Variants in DPF3 observed in about 807,000 individuals in gnomAD.
The protein encoded by DPF3 is double PHD fingers 3.
DPF3 carries 18 observed loss-of-function variants against 56.8 expected under a neutral mutation model. The ratio of observed to expected loss-of-function variants is 0.32; its 90% CI spans 0.22 to 0.47. The LOEUF (loss-of-function observed/expected upper bound fraction) is 0.47. Ranked by LOEUF, DPF3 falls within the 20% of genes least tolerant of loss-of-function variation. The pLI is 1.00. For synonymous variants in DPF3, 188 were observed against 180.2 expected (o/e 1.04, Z -0.35); for missense variants, 403 against 488.8 (o/e 0.82, Z 1.65).
chr14:72,688,525 C>A (rs115960765), intron 7 of DPF3, among the ~76,000 whole-genome samples: 11,581 of 152,148 alleles, frequency 0.076, 1,088 homozygotes, highest in African/African-American at 0.22. Context: ...ACATCACAAG[C>A]CTATGTTAAG....
intron 1 of DPF3, among the ~76,000 whole-genome samples, chr14:72,849,705 A>G (rs1241241465): frequency 6.6e-6 from 1 of 152,200 alleles, no homozygotes; most frequent in African/African-American, 2.4e-5. Flanking sequence ...GAGCTAGGCA[A>G]GGTGGCCTTT....
Position 72,893,017 on chromosome 14 carries a change from A to AGGC in DPF3, c.32+1039_32+1040insGCC, listed in dbSNP as rs1567273867. Among the ~76,000 whole-genome samples, 229 of 130,730 alleles carry AGGC rather than the reference A, an allele frequency of 1.8e-3. 12 individuals carry two copies. The highest frequency in any genetic ancestry group is 4.1e-3 in the Admixed American group (55 of 13,278). The allele number at this position is 130,730 out of a possible 152,430, so 85.8% of individuals were successfully genotyped here. A position where few individuals can be genotyped will look rare whatever the true frequency, so the allele number is the denominator to read the frequency against. ...GAAGGAAGGAAGGAAGGAAGGAAGG[A>AGGC]AGGAAGGATGAAAAGGAGGAGGAAG... On this transcript the variant is annotated intron_variant, in intron 1 of 10. Coordinates refer to ENST00000556509, the MANE Select transcript of DPF3 (RefSeq NM_001280542.3).
At chr14:72,672,300 A>G (rs957261723) in intron 8 of DPF3, among the ~76,000 whole-genome samples, 4 of 152,166 alleles carry the variant, frequency 2.6e-5, no homozygotes, top group East Asian at 1.9e-4. Context: ...CATGGTGCCA[A>G]TTTCAGGAAC....
At chr14:72,846,764 G>A (rs11626895) in intron 1 of DPF3, among the ~76,000 whole-genome samples, 26,764 of 152,026 alleles carry the variant, frequency 0.18, 2,889 homozygotes, top group East Asian at 0.38. Flanking sequence ...CTTTACTGGA[G>A]ACACACCCAA....
At chr14:72,892,941 CTGGAAGGAAGGAAGGAAGGAAGGAAGGA>C (rs1886813267) in intron 1 of DPF3, among the ~76,000 whole-genome samples, 3 of 127,086 alleles carry the variant, frequency 2.4e-5, no homozygotes, top group African/African-American at 6.3e-5. Flanking sequence ...GTTCCACTGA[CTGGAAGGAAGGAAGGAAGGAAGGAAGGA>C]AGGAAGGAAG....
chr14:72,865,864 T>G (rs1413180564), intron 1 of DPF3, among the ~76,000 whole-genome samples: 1 of 151,946 alleles, frequency 6.6e-6, no homozygotes, highest in Non-Finnish European at 1.5e-5. Context: ...CTGGCCAACA[T>G]GATGAAACCC....
In DPF3 at chr14:72,836,208, C is replaced by T. The variant is rs1045830045; in HGVS notation, c.32+57849G>A. 127 of 985,678 alleles carry T rather than the reference C, an allele frequency of 1.3e-4. 1 individual carries two copies. The highest frequency in any genetic ancestry group is 1.0e-3 in the Middle Eastern group (2 of 1,922). 61.1% of individuals were successfully genotyped at this position (985,678 alleles called of 1,614,324 possible). The stretch of plus-strand genomic sequence containing the variant: ...GGGAGGGGGCACTGAGGACAGAGCA[C>T]GGTGTTCTGCAGATCATATCACATC... On this transcript the variant is annotated intron_variant, in intron 1 of 10. Coordinates refer to ENST00000556509, the MANE Select transcript of DPF3 (RefSeq NM_001280542.3).
At chr14:72,633,507 T>C (rs1239453091) in intron 8 of DPF3, among the ~76,000 whole-genome samples, 1 of 151,584 alleles carries the variant, frequency 6.6e-6, no homozygotes, top group African/African-American at 2.4e-5. Context: ...TGGCAAGAGG[T>C]AAGAAGCAAA....
chr14:72,674,391 C>A (rs780345851), intron 7 of DPF3, 23 bp from the exon 8 acceptor site: 10 of 1,607,556 alleles, frequency 6.2e-6, no homozygotes, highest in African/African-American at 4.0e-5. Flanking sequence ...TTAAAACATT[C>A]CAATTTCAGG....
chr14:72,668,319 G>C (rs1406550898), intron 8 of DPF3, among the ~76,000 whole-genome samples: 1 of 152,194 alleles, frequency 6.6e-6, no homozygotes, highest in African/African-American at 2.4e-5. Flanking sequence ...AAAAGTGAAA[G>C]ATTTGAACTT....
chr14:72,829,064 C>T (rs777787189), intron 1 of DPF3, among the ~76,000 whole-genome samples: 1 of 152,212 alleles, frequency 6.6e-6, no homozygotes, highest in Non-Finnish European at 1.5e-5. Flanking sequence ...TGATGGCTAA[C>T]TCGAATCAAG....
intron 1 of DPF3, among the ~76,000 whole-genome samples, chr14:72,810,669 G>GT (rs1286157146): frequency 6.6e-6 from 1 of 152,018 alleles, no homozygotes; most frequent in Non-Finnish European, 1.5e-5. Context: ...AGAAAATAGG[G>GT]TCCCCCACCC....
intron 1 of DPF3, among the ~76,000 whole-genome samples, chr14:72,787,874 G>A (rs72730339): frequency 1.3e-5 from 2 of 152,262 alleles, no homozygotes; most frequent in South Asian, 4.1e-4. Flanking sequence ...GCCTCTGGTG[G>A]CCCGGCTTCT....
intron 1 of DPF3, among the ~76,000 whole-genome samples, chr14:72,795,893 G>A (rs1040335778): frequency 4.6e-5 from 7 of 152,172 alleles, no homozygotes; most frequent in Non-Finnish European, 1.0e-4. Flanking sequence ...TCCCTTGTAC[G>A]TCTTTCTCTT....
intron 3 of DPF3, among the ~76,000 whole-genome samples, chr14:72,739,146 G>A (rs1471647122): frequency 2.6e-5 from 4 of 152,094 alleles, no homozygotes; most frequent in African/African-American, 9.6e-5. Flanking sequence ...AGAGGCTGAG[G>A]TGGGAGAATC....
intron 1 of DPF3, among the ~76,000 whole-genome samples, chr14:72,851,171 C>A (rs1158085511): frequency 2.0e-5 from 3 of 152,186 alleles, no homozygotes; most frequent in Non-Finnish European, 2.9e-5. Context: ...GAAATGAACG[C>A]TCCCCTTTGA....
chr14:72,812,678 G>C (rs1043946047), intron 1 of DPF3, among the ~76,000 whole-genome samples: 1 of 152,142 alleles, frequency 6.6e-6, no homozygotes, highest in African/African-American at 2.4e-5. Context: ...AGCTAGGCCT[G>C]GGGGGAGAGG....
At chr14:72,684,514 TA>T (rs1303143157) in intron 7 of DPF3, among the ~76,000 whole-genome samples, 2 of 134,382 alleles carry the variant, frequency 1.5e-5, no homozygotes, top group East Asian at 4.6e-4. Flanking sequence ...CTTTTTTTTT[TA>T]AAAGAGCAAG....
intron 1 of DPF3, among the ~76,000 whole-genome samples, chr14:72,833,636 G>A (rs1214056953): frequency 6.6e-6 from 1 of 152,132 alleles, no homozygotes; most frequent in Non-Finnish European, 1.5e-5. Flanking sequence ...AGCCAAAGAG[G>A]TAAAGACCTA....
Sources: allele counts gnomAD v4.1 joint callset (sites outside exome capture counted in the v4.1 genomes callset), GRCh38; gene constraint gnomAD v4.1.1; transcripts MANE v1.5; gene names NCBI Gene and HGNC (gene_info 2026-07-23, HGNC 2026-07-21).